Variants in SLC17A7 observed in about 807,000 individuals in gnomAD.
SLC17A7 encodes vesicular glutamate transporter 1.
Under a neutral mutation model 59.1 loss-of-function variants are expected in SLC17A7, and 15 were observed. The observed-to-expected ratio is 0.25, with a 90% confidence interval of 0.17 to 0.39. The LOEUF is 0.39. SLC17A7 is among the 10% of genes least tolerant of loss of function. The probability of loss-of-function intolerance (pLI) is 1.00; values close to 1 mark genes in which losing one functional copy is unlikely to be tolerated. For missense variants in SLC17A7, 499 were observed against 765.1 expected, an observed-to-expected ratio of 0.65 and a Z score of 4.10; for synonymous variants, 353 against 308.9, an observed-to-expected ratio of 1.14 and a Z score of -1.50.
chr19:49,436,548 C>T lies in SLC17A7; in HGVS notation c.315+1G>A. 6.2e-7 allele frequency: 1 copy of T among 1,612,730 alleles called. No homozygotes were observed. The highest frequency in any genetic ancestry group is 8.5e-7 in the Non-Finnish European group (1 of 1,179,872). ...CTGCAAGGGCTCAGGCCTTGAGCTA[C>T]CTGCACCACCACGTGGCCCCCGCGG... On this transcript the variant is annotated splice_donor_variant, in intron 2 of 11. Coordinates refer to ENST00000221485, the MANE Select transcript of SLC17A7 (RefSeq NM_020309.4). LOFTEE classifies it high-confidence loss of function. This position sits in a 1 kb window ranked among gnomAD's most constrained non-coding sequence, Gnocchi z 4.1.
At chr19:49,430,967 A>G in intron 11 of SLC17A7, 48 bp downstream of exon 11, 2 of 1,576,968 alleles carry the variant, frequency 1.3e-6, no homozygotes, top group Non-Finnish European at 1.7e-6. Context: ...TCAGTTAGGT[A>G]CGAAGCACAC....
chr19:49,431,490 G>C lies in SLC17A7; in HGVS notation c.1151-42C>G, dbSNP rs199949311. On this transcript the variant is annotated intron_variant, in intron 9 of 11. Transcript: ENST00000221485. The surrounding 1 kb of genome is among the most constrained non-coding windows in gnomAD (Gnocchi z 4.6). ...GGCCCGCGTCTCCTGAGTGTCGGCC[G>C]GAGCAAGGCGCAGGCTGCCCCACAC... 1 of 1,548,438 alleles carries C rather than the reference G, an allele frequency of 6.5e-7. No homozygotes were observed.
chr19:49,430,947 C>A, intron 11 of SLC17A7, 68 bp downstream of exon 11: 1 of 1,561,172 alleles, frequency 6.4e-7, no homozygotes. Flanking sequence ...GAGACAGTGC[C>A]ACCACGTGGT....
chr19:49,441,141 T>G (rs553568715), intron 1 of SLC17A7, among the ~76,000 whole-genome samples, 177 bp downstream of exon 1: 1 of 151,884 alleles, frequency 6.6e-6, no homozygotes, highest in East Asian at 1.9e-4. Context: ...AACAGGATAA[T>G]GGACAAGGCT....
Position 49,430,311 on chromosome 19 carries a change from G to A in SLC17A7, c.*208C>T. On this transcript the variant is annotated 3_prime_UTR_variant, in exon 12 of 12. Coordinates refer to ENST00000221485, the MANE Select transcript of SLC17A7 (RefSeq NM_020309.4). Reference sequence around the variant, plus strand: ...AGAGGGAACCTTTAGGGGAATTTGGGTATCCTTGAAACTGTCAGTCTGCAG... The same window carrying A: ...AGAGGGAACCTTTAGGGGAATTTGGATATCCTTGAAACTGTCAGTCTGCAG... 2.0e-6 allele frequency: 1 copy of A among 490,494 alleles called. No homozygotes were observed. Among genetic ancestry groups the A allele is most frequent in the Non-Finnish European group, 3.6e-6 (1 of 279,370 alleles). The allele number at this position is 490,494 out of a possible 1,614,324, so 30.4% of individuals were successfully genotyped here. A position where few individuals can be genotyped will look rare whatever the true frequency, so the allele number is the denominator to read the frequency against.
chr19:49,441,437 G>T lies in SLC17A7; in HGVS notation c.-58C>A. 7.6e-7 allele frequency: 1 copy of T among 1,319,534 alleles called. No homozygotes were observed. The highest frequency in any genetic ancestry group is 3.7e-5 in the East Asian group (1 of 26,826). The allele number at this position is 1,319,534 out of a possible 1,614,324, so 81.7% of individuals were successfully genotyped here. A position where few individuals can be genotyped will look rare whatever the true frequency, so the allele number is the denominator to read the frequency against. On this transcript the variant is annotated 5_prime_UTR_variant, in exon 1 of 12. Transcript: ENST00000221485. ...GTCCCCCCCGCCGATCCCCCCGCCC[G>T]CGGGCCCGGGCGGCCGCGTCCGGGT...
Position 49,441,501 on chromosome 19 carries a change from C to G in SLC17A7, c.-122G>C. On this transcript the variant is annotated 5_prime_UTR_variant, in exon 1 of 12. Transcript: ENST00000221485. ...CCCCGGCCCGGCCGGCCCCGCAGCTCCGCTCGGGGGGAAGGAGGCTGCAAG... is the reference window on the plus strand; with the variant it reads ...CCCCGGCCCGGCCGGCCCCGCAGCTGCGCTCGGGGGGAAGGAGGCTGCAAG... 1 of 1,067,060 alleles carries G rather than the reference C, an allele frequency of 9.4e-7. No individual in the cohort carries two copies. The highest frequency in any genetic ancestry group is 1.1e-6 in the Non-Finnish European group (1 of 885,204). 66.1% of individuals were successfully genotyped at this position (1,067,060 alleles called of 1,614,324 possible).
At chr19:49,439,765 C>G (rs1040337310) in intron 1 of SLC17A7, among the ~76,000 whole-genome samples, 1 of 152,120 alleles carries the variant, frequency 6.6e-6, no homozygotes, top group African/African-American at 2.4e-5. Context: ...GGCCAGAGCC[C>G]GGGGGTCTCT....
rs61736994 is a variant in SLC17A7 at position 49,432,544 on chromosome 19, G to A, written c.1125C>T (p.Asn375=). The change falls in exon 9 of 12, where the codon AAC becomes AAT. Residue 375 remains asparagine, a synonymous_variant. Transcript: ENST00000221485. ...LRSRRIMSTT[N]VRKLMNCGGF... is the part of the protein sequence containing the mutation. ...CTCCGCAGTTCATCAACTTGCGCACGTTGGTGGTGGACATGATGCGGCGGC... is the reference window on the plus strand; with the variant it reads ...CTCCGCAGTTCATCAACTTGCGCACATTGGTGGTGGACATGATGCGGCGGC... 13 of 1,613,484 alleles carry A rather than the reference G, an allele frequency of 8.1e-6. No homozygotes were observed. The African/African-American group carries it at 1.3e-4, about 17-fold the overall frequency.
chr19:49,432,120 G>A (rs2078962965), intron 9 of SLC17A7, among the ~76,000 whole-genome samples: 2 of 151,390 alleles, frequency 1.3e-5, no homozygotes, highest in Non-Finnish European at 2.9e-5. Flanking sequence ...ACCACGCCTA[G>A]CAAATCTCAC....
At position 49,434,802 on chromosome 19, in the gene SLC17A7, AC is replaced by A. The variant is rs758185560; in HGVS notation, c.514del (p.Val172SerfsTer4). ...PSAARVHYGC[V>X]IFVRILQGLV... is the part of the protein sequence containing the mutation. Reference sequence around the variant, plus strand: ...CCCCTGCAGGATCCTCACGAAGATGACACAGCCATAGTGGACGCGGGCAGCT... The same window carrying A: ...CCCCTGCAGGATCCTCACGAAGATGAACAGCCATAGTGGACGCGGGCAGCT... On this transcript the variant is annotated frameshift_variant, in exon 4 of 12. Coordinates refer to ENST00000221485, the MANE Select transcript of SLC17A7 (RefSeq NM_020309.4). LOFTEE classifies it high-confidence loss of function. The A allele has an allele frequency of 6.2e-7, 1 of 1,614,200 alleles. No individual in the cohort carries two copies. The highest frequency in any genetic ancestry group is 1.1e-5 in the South Asian group (1 of 91,086).
intron 3 of SLC17A7, 97 bp from the exon 4 acceptor site, chr19:49,434,979 G>T (rs1388968477): frequency 3.2e-6 from 4 of 1,245,096 alleles, no homozygotes; most frequent in Non-Finnish European, 4.7e-6. Context: ...GTGGTCCCCG[G>T]GACCCCAGGT....
chr19:49,436,231 C>A lies in SLC17A7; in HGVS notation c.315+318G>T. 2.4e-6 allele frequency: 1 copy of A among 413,734 alleles called. No individual in the cohort carries two copies. Among genetic ancestry groups the A allele is most frequent in the Admixed American group, 3.6e-5 (1 of 27,400 alleles). The allele number at this position is 413,734 out of a possible 1,614,324, so 25.6% of individuals were successfully genotyped here. On this transcript the variant is annotated intron_variant, in intron 2 of 11. Coordinates refer to ENST00000221485, the MANE Select transcript of SLC17A7 (RefSeq NM_020309.4). The surrounding 1 kb of genome is among the most constrained non-coding windows in gnomAD (Gnocchi z 4.1). Reference sequence around the variant, plus strand: ...CATGAGCTTGGGGTACAGGCGTGAGCAAAATTGCTAGTAGGTCCAAAATGG... The same window carrying A: ...CATGAGCTTGGGGTACAGGCGTGAGAAAAATTGCTAGTAGGTCCAAAATGG...
chr19:49,431,108 G>C lies in SLC17A7; in HGVS notation c.1296C>G (p.Arg432=). The C allele has an allele frequency of 6.2e-7, 1 of 1,613,998 alleles. No individual in the cohort carries two copies. The highest frequency in any genetic ancestry group is 8.5e-7 in the Non-Finnish European group (1 of 1,180,002). Residue 432 remains arginine, a synonymous_variant, in exon 11 of 12, where the codon CGC becomes CGG. Coordinates refer to ENST00000221485, the MANE Select transcript of SLC17A7 (RefSeq NM_020309.4). The surrounding 1 kb of genome is among the most constrained non-coding windows in gnomAD (Gnocchi z 4.6). ...FNVNHLDIAP[R]YASILMGISN... ...AGATGCCCATGAGGATGCTGGCGTA[G>C]CGCGGGGCTATGTCCAGGTGGTTCA...
Position 49,433,156 on chromosome 19 carries a change from G to C in SLC17A7, c.868-196C>G, listed in dbSNP as rs1433119747. 2 of 618,628 alleles carry C rather than the reference G, an allele frequency of 3.2e-6. No homozygotes were observed. Among genetic ancestry groups the C allele is most frequent in the Non-Finnish European group, 5.7e-6 (2 of 353,328 alleles). 38.3% of individuals were successfully genotyped at this position (618,628 alleles called of 1,614,324 possible). On this transcript the variant is annotated intron_variant, in intron 7 of 11. Transcript: ENST00000221485. The surrounding 1 kb of genome is among the most constrained non-coding windows in gnomAD (Gnocchi z 5.7). ...ATCCTAGCCTCAAGGTGACACTTGA[G>C]TGATGAAGGGGTCCTGGCCCTATGG...
chr19:49,430,484 G>A lies in SLC17A7; in HGVS notation c.*35C>T, dbSNP rs1448418282. On this transcript the variant is annotated 3_prime_UTR_variant, in exon 12 of 12. Transcript: ENST00000221485. ...CAGGCCAGAGATGAGTGGAATGGAG[G>A]TCCTGGAAACTGCCATTCAGTGGGA... 6.7e-7 allele frequency: 1 copy of A among 1,492,110 alleles called. No individual in the cohort carries two copies. The highest frequency in any genetic ancestry group is 1.3e-5 in the South Asian group (1 of 77,708). 92.4% of individuals were successfully genotyped at this position (1,492,110 alleles called of 1,614,324 possible).
In SLC17A7 at chr19:49,431,557, AC is replaced by A; in HGVS notation, c.1151-110del. On this transcript the variant is annotated intron_variant, in intron 9 of 11. Transcript: ENST00000221485. This position sits in a 1 kb window ranked among gnomAD's most constrained non-coding sequence, Gnocchi z 4.6. ...CTCCAGCCCCAAACCGCGTCTATCCACCCCAGTCTGGCCACCTCCACGCCCA... is the reference window on the plus strand; with the variant it reads ...CTCCAGCCCCAAACCGCGTCTATCCACCCAGTCTGGCCACCTCCACGCCCA... 1.1e-6 allele frequency: 1 copy of A among 882,216 alleles called. No homozygotes were observed. The highest frequency in any genetic ancestry group is 1.8e-6 in the Non-Finnish European group (1 of 569,636). The allele number at this position is 882,216 out of a possible 1,614,324, so 54.6% of individuals were successfully genotyped here.
In SLC17A7 at chr19:49,434,051, G is replaced by A. The variant is rs201240445; in HGVS notation, c.638-5C>T. On this transcript the variant is annotated splice_polypyrimidine_tract_variant and splice_region_variant and intron_variant, in intron 5 of 11. Transcript: ENST00000221485. The stretch of plus-strand genomic sequence containing the variant: ...CCACCGCCCCAGCATAGGAACCTAA[G>A]GGGGAGGATGCGGGGGAGAGAACAG... The A allele has an allele frequency of 5.9e-5, 95 of 1,602,556 alleles. No individual in the cohort carries two copies. The Middle Eastern group carries it at 1.7e-3, about 28-fold the overall frequency.
rs749328526 is a variant in SLC17A7 at position 49,434,728 on chromosome 19, G to A, written c.550-39C>T. On this transcript the variant is annotated intron_variant, in intron 4 of 11. Transcript: ENST00000221485. ...AACCAAGGTCACTGAGAAGAGGCAG[G>A]GTCCGAGCGAGGGCAGGGTCATATC... The A allele has an allele frequency of 1.9e-6, 3 of 1,614,108 alleles. No homozygotes were observed. The Admixed American group carries it at 5.0e-5, about 27-fold the overall frequency.
Sources: allele counts gnomAD v4.1 joint callset (sites outside exome capture counted in the v4.1 genomes callset), GRCh38; gene constraint gnomAD v4.1.1; non-coding constraint Gnocchi (gnomAD v3.1); transcripts MANE v1.5; gene names NCBI Gene and HGNC (gene_info 2026-07-23, HGNC 2026-07-21).